HSD17B2: variants seen among roughly 807,000 people sequenced by gnomAD.
HSD17B2 encodes 17-beta-hydroxysteroid dehydrogenase type 2.
Under a neutral mutation model 26.9 loss-of-function variants are expected in HSD17B2, and 32 were observed. The ratio of observed to expected loss-of-function variants is 1.19; its 90% confidence interval spans 0.90 to 1.60. The LOEUF (loss-of-function observed/expected upper bound fraction) is 1.60. Ranked by LOEUF, HSD17B2 falls within the 40% of genes most tolerant of loss-of-function variation. The pLI, the probability that HSD17B2 is intolerant of heterozygous loss-of-function variation, is 0.00. For synonymous variants in HSD17B2, 246 were observed against 186.7 expected (o/e 1.32, Z -2.59); for missense variants, 613 against 468.6 (o/e 1.31, Z -2.85).
intron 1 of HSD17B2, 104 bp downstream of exon 1, chr16:82,035,793 G>C (rs1246021137): frequency 1.4e-5 from 17 of 1,236,044 alleles, no homozygotes; most frequent in Non-Finnish European, 1.9e-5. Context: ...TACTTGGCAT[G>C]GAGTAAATGA....
At chr16:82,036,223 T>C (rs576008239) in intron 1 of HSD17B2, among the ~76,000 whole-genome samples, 1 of 152,240 alleles carries the variant, frequency 6.6e-6, no homozygotes, top group East Asian at 1.9e-4. Flanking sequence ...GTCTGAACTG[T>C]TCCTCATTAG....
At chr16:82,090,698 G>C (rs1278549119) in intron 3 of HSD17B2, among the ~76,000 whole-genome samples, 1 of 152,132 alleles carries the variant, frequency 6.6e-6, no homozygotes, top group Admixed American at 6.5e-5. Flanking sequence ...CAATAGGGGA[G>C]CCAAAGAAGG....
At position 82,084,179 on chromosome 16, in the gene HSD17B2, G is replaced by T. The variant is rs566526107; in HGVS notation, c.665-6723G>T. 8.5e-5 allele frequency among the ~76,000 whole-genome samples: 13 copies of T among 152,212 alleles called. No homozygotes were observed. In the South Asian group the frequency reaches 2.7e-3, roughly 32 times the overall value. On this transcript the variant is annotated intron_variant, in intron 3 of 4. Coordinates refer to ENST00000199936, the MANE Select transcript of HSD17B2 (RefSeq NM_002153.3). ...GTCATGTCTCTATCTTCAAATGAGGGTCATGTAGCACCTGAGTCCAGGGCA... is the reference window on the plus strand; with the variant it reads ...GTCATGTCTCTATCTTCAAATGAGGTTCATGTAGCACCTGAGTCCAGGGCA...
At chr16:82,080,898 A>G (rs1045227118) in intron 3 of HSD17B2, among the ~76,000 whole-genome samples, 1 of 152,174 alleles carries the variant, frequency 6.6e-6, no homozygotes, top group South Asian at 2.1e-4. Context: ...ACAAAGCACT[A>G]TTTAATGCAA....
In HSD17B2 at chr16:82,090,939, A is replaced by T. The variant is rs150710523; in HGVS notation, c.702A>T (p.Ser234=). ...TGGAAAGGCTGGCATCTTATGGCTC[A>T]TCAAAGGCGGCTGTGACCATGTTCT... ...APMERLASYG[S]SKAAVTMFSS... Residue 234 remains serine (S), a synonymous_variant, in exon 4 of 5, where the codon TCA becomes TCT. Coordinates refer to ENST00000199936, the MANE Select transcript of HSD17B2 (RefSeq NM_002153.3). 2.0e-5 allele frequency: 32 copies of T among 1,613,918 alleles called. No individual in the cohort carries two copies. The African/African-American group carries it at 3.1e-4, about 15-fold the overall frequency.
At chr16:82,082,782 G>A (rs1242122482) in intron 3 of HSD17B2, among the ~76,000 whole-genome samples, 1 of 152,142 alleles carries the variant, frequency 6.6e-6, no homozygotes, top group Non-Finnish European at 1.5e-5. Flanking sequence ...TATTATGAAG[G>A]ATCCATTACA....
chr16:82,039,650 C>T (rs930590370), intron 1 of HSD17B2, among the ~76,000 whole-genome samples: 1 of 152,194 alleles, frequency 6.6e-6, no homozygotes, highest in East Asian at 1.9e-4. Flanking sequence ...TCCCCCTCTT[C>T]TGAGGTTACA....
rs114762427 is a variant in HSD17B2, at chr16:82,050,176, G to A, written c.265+14487G>A. ...TACTCAGTTCCACTGGATGTCTTGC[G>A]CTTTATATGCTTGAAACTGAGTTCT... On this transcript the variant is annotated intron_variant, in intron 1 of 4. Coordinates refer to ENST00000199936, the MANE Select transcript of HSD17B2 (RefSeq NM_002153.3). 8.8e-4 allele frequency among the ~76,000 whole-genome samples: 134 copies of A among 152,246 alleles called. 1 individual carries two copies. The highest frequency in any genetic ancestry group is 3.0e-3 in the African/African-American group (126 of 41,556).
At chr16:82,060,390 T>C (rs1488874415) in intron 1 of HSD17B2, among the ~76,000 whole-genome samples, 1 of 152,180 alleles carries the variant, frequency 6.6e-6, no homozygotes, top group Non-Finnish European at 1.5e-5. Flanking sequence ...GTGAGAGCTC[T>C]TGATCAGTGA....
At chr16:82,094,890 GCT>G (rs1192588293) in intron 4 of HSD17B2, 5 of 152,240 alleles carry the variant, frequency 3.3e-5, no homozygotes, top group African/African-American at 9.7e-5. Context: ...GAAAATGGAG[GCT>G]CAGAGAAGTT....
intron 1 of HSD17B2, among the ~76,000 whole-genome samples, chr16:82,049,636 G>T (rs554769179): frequency 2.0e-5 from 3 of 152,212 alleles, no homozygotes; most frequent in African/African-American, 7.2e-5. Flanking sequence ...AACAGCCCTG[G>T]GGCTTTATCA....
At chr16:82,077,101 C>A (rs1332018142) in intron 3 of HSD17B2, among the ~76,000 whole-genome samples, 1 of 152,118 alleles carries the variant, frequency 6.6e-6, no homozygotes, top group Non-Finnish European at 1.5e-5. Context: ...TCAAGGAAAT[C>A]TATAGATTCA....
intron 1 of HSD17B2, among the ~76,000 whole-genome samples, chr16:82,047,348 G>A (rs1444142487): frequency 6.6e-6 from 1 of 152,182 alleles, no homozygotes; most frequent in Non-Finnish European, 1.5e-5. Flanking sequence ...AATGGCATAG[G>A]AGGGTTTTAA....
chr16:82,091,796 C>A (rs1447341907), intron 4 of HSD17B2: 2 of 152,312 alleles, frequency 1.3e-5, no homozygotes, highest in African/African-American at 4.8e-5. Context: ...TTGCATGGGC[C>A]TCTTCTAAGT....
chr16:82,073,219 T>C (rs547803074), intron 3 of HSD17B2, among the ~76,000 whole-genome samples: 4 of 152,024 alleles, frequency 2.6e-5, no homozygotes, highest in African/African-American at 9.7e-5. Context: ...TCTTTTATTA[T>C]TATTATTATT....
chr16:82,049,380 A>G (rs2143934057), intron 1 of HSD17B2, among the ~76,000 whole-genome samples: 1 of 152,352 alleles, frequency 6.6e-6, no homozygotes, highest in East Asian at 1.9e-4. Flanking sequence ...TTTCTCCTAG[A>G]TGACGGGTCA....
At position 82,035,589 on chromosome 16, in the gene HSD17B2, T is replaced by C. The variant is rs893196902; in HGVS notation, c.165T>C (p.Phe55=). ...TCTGCCTGCTCATCCTGTCCCCTTT[T>C]TGGGGCTTGATCCTCTTCTCGGTGT... ...CAVCLLILSP[F]WGLILFSVSC... is the part of the protein sequence containing the mutation. Residue 55 remains phenylalanine, a synonymous_variant, in exon 1 of 5, where the codon TTT becomes TTC. Transcript: ENST00000199936. The C allele has an allele frequency of 3.1e-6, 5 of 1,614,042 alleles. No homozygotes were observed. Among genetic ancestry groups the C allele is most frequent in the South Asian group, 2.2e-5 (2 of 91,066 alleles).
chr16:82,058,364 C>G (rs1447937263), intron 1 of HSD17B2, among the ~76,000 whole-genome samples: 1 of 152,098 alleles, frequency 6.6e-6, no homozygotes, highest in Non-Finnish European at 1.5e-5. Context: ...AGCTACCGCA[C>G]CCAGCCATAA....
chr16:82,059,045 T>C (rs1247767957), intron 1 of HSD17B2, among the ~76,000 whole-genome samples: 1 of 152,210 alleles, frequency 6.6e-6, no homozygotes, highest in Non-Finnish European at 1.5e-5. Context: ...GTCCGTACTC[T>C]GATGGAGATC....
Sources: allele counts gnomAD v4.1 joint callset (sites outside exome capture counted in the v4.1 genomes callset), GRCh38; gene constraint gnomAD v4.1.1; transcripts MANE v1.5; gene names NCBI Gene and HGNC (gene_info 2026-07-23, HGNC 2026-07-21).